ZNF492: variants seen among roughly 807,000 people sequenced by gnomAD.
ZNF492 encodes zinc finger protein 492.
A neutral mutation model predicts 6.4 loss-of-function variants in ZNF492; 3 were observed. That is an observed-to-expected ratio of 0.47 (90% CI 0.21 to 1.22). The LOEUF (loss-of-function observed/expected upper bound fraction) is 1.22. Ranked by LOEUF, ZNF492 falls within the 50% of genes most tolerant of loss-of-function variation. ZNF492 has a pLI of 0.22. For synonymous variants in ZNF492, 112 were observed against 205.3 expected (o/e 0.55, Z 3.89); for missense variants, 356 against 612.5 (o/e 0.58, Z 4.42).
At chr19:22,655,237 T>C (rs1971982445) in intron 3 of ZNF492, among the ~76,000 whole-genome samples, 1 of 151,516 alleles carries the variant, frequency 6.6e-6, no homozygotes, top group African/African-American at 2.4e-5. Flanking sequence ...GAGGTTGCAG[T>C]GAGCTGAGAT....
chr19:22,661,283 T>C (rs1430214013), intron 3 of ZNF492, among the ~76,000 whole-genome samples: 1 of 152,130 alleles, frequency 6.6e-6, no homozygotes, highest in East Asian at 1.9e-4. Flanking sequence ...TGTGTTCCTG[T>C]TTCACTCATT....
At chr19:22,637,013 G>T (rs1971775456) in intron 1 of ZNF492, among the ~76,000 whole-genome samples, 1 of 138,636 alleles carries the variant, frequency 7.2e-6, no homozygotes, top group South Asian at 2.3e-4. Flanking sequence ...CTGAAGTGAA[G>T]TGGTGCAGTT....
chr19:22,637,447 CA>C (rs1211941307), intron 1 of ZNF492, among the ~76,000 whole-genome samples: 1 of 152,034 alleles, frequency 6.6e-6, no homozygotes, highest in East Asian at 1.9e-4. Context: ...CACACACCAC[CA>C]GGCCTGGCTA....
In ZNF492 at chr19:22,663,894, A is replaced by T. The variant is rs1277080210; in HGVS notation, c.225A>T (p.Gly75=). Reference sequence around the variant, plus strand: ...TACTGAGAAGATATAAAAAATGTGGATGTGAAAATTTACAGTTAAGAAAAT... The same window carrying T: ...TACTGAGAAGATATAAAAAATGTGGTTGTGAAAATTTACAGTTAAGAAAAT... ...KVILRRYKKC[G]CENLQLRKYC... Residue 75 remains glycine, a synonymous_variant, in exon 4 of 4, where the codon GGA becomes GGT. Coordinates refer to ENST00000456783, the MANE Select transcript of ZNF492 (RefSeq NM_020855.3). 1 of 1,590,324 alleles carries T rather than the reference A, an allele frequency of 6.3e-7. No individual in the cohort carries two copies.
At chr19:22,647,342 C>T (rs184927323) in intron 1 of ZNF492, among the ~76,000 whole-genome samples, 144 of 150,670 alleles carry the variant, frequency 9.6e-4, no homozygotes, top group Middle Eastern at 3.4e-3. Context: ...CTGCAACCTC[C>T]GCCTCCTGGG....
intron 3 of ZNF492, among the ~76,000 whole-genome samples, chr19:22,659,561 TAC>T (rs569041771): frequency 0.065 from 9,043 of 138,334 alleles, 928 homozygotes; most frequent in African/African-American, 0.23. Flanking sequence ...TAATGTGAGA[TAC>T]ACACACACAC....
chr19:22,656,798 A>G (rs1401592139), intron 3 of ZNF492, among the ~76,000 whole-genome samples: 5 of 152,074 alleles, frequency 3.3e-5, no homozygotes, highest in Admixed American at 2.6e-4. Context: ...ATATTCCTCA[A>G]TCTTGGGCAT....
At chr19:22,655,675 AT>A (rs201831166) in intron 3 of ZNF492, among the ~76,000 whole-genome samples, 1,370 of 109,420 alleles carry the variant, frequency 0.013, 53 homozygotes, top group African/African-American at 0.04. Flanking sequence ...CAGTGACTTA[AT>A]TTTTTTTTTT....
intron 1 of ZNF492, among the ~76,000 whole-genome samples, chr19:22,648,159 G>A (rs1332792276): frequency 2.0e-5 from 3 of 152,190 alleles, no homozygotes; most frequent in East Asian, 1.9e-4. Flanking sequence ...TTGTGATTTT[G>A]TTCTCACTGG....
intron 1 of ZNF492, among the ~76,000 whole-genome samples, chr19:22,636,059 CT>C (rs1971758409): frequency 6.6e-6 from 1 of 150,824 alleles, no homozygotes; most frequent in Admixed American, 6.6e-5. Flanking sequence ...CTGTTGTTCC[CT>C]CTTTGTGTTT....
intron 1 of ZNF492, among the ~76,000 whole-genome samples, chr19:22,641,457 CTG>C (rs1274974857): frequency 6.6e-6 from 1 of 152,116 alleles, no homozygotes. Context: ...GCTGTGGCCT[CTG>C]TGTGTGGTTC....
At chr19:22,655,827 T>TTG (rs1971991013) in intron 3 of ZNF492, among the ~76,000 whole-genome samples, 1 of 122,262 alleles carries the variant, frequency 8.2e-6, no homozygotes, top group Non-Finnish European at 1.7e-5. Context: ...TTTTTTTTTT[T>TTG]TTTTTTTTTT....
At chr19:22,648,643 A>G (rs1488141337) in intron 1 of ZNF492, among the ~76,000 whole-genome samples, 2 of 152,216 alleles carry the variant, frequency 1.3e-5, no homozygotes, top group African/African-American at 4.8e-5. Context: ...TTGGGTGCTT[A>G]TGTATTTAGG....
At chr19:22,661,614 G>C (rs1034978326) in intron 3 of ZNF492, among the ~76,000 whole-genome samples, 1 of 142,132 alleles carries the variant, frequency 7.0e-6, no homozygotes, top group African/African-American at 2.7e-5. Context: ...TTTTTTTTTT[G>C]AAACAGAGTT....
At chr19:22,637,335 G>C (rs11879495) in intron 1 of ZNF492, among the ~76,000 whole-genome samples, 6,077 of 151,870 alleles carry the variant, frequency 0.04, 389 homozygotes, top group African/African-American at 0.14. Context: ...CTGTTGTCCA[G>C]ACTGGAGTGC....
chr19:22,641,268 A>G (rs916573946), intron 1 of ZNF492, among the ~76,000 whole-genome samples: 3 of 152,084 alleles, frequency 2.0e-5, no homozygotes, highest in Non-Finnish European at 4.4e-5. Context: ...ACACTGCCTT[A>G]GCTGTGTTGC....
chr19:22,650,199 G>A (rs1971925235), intron 1 of ZNF492, among the ~76,000 whole-genome samples: 1 of 152,058 alleles, frequency 6.6e-6, no homozygotes, highest in Admixed American at 6.6e-5. Context: ...GTGGTTTGCT[G>A]GGGGTTCACT....
chr19:22,645,220 T>C (rs1424200160), intron 1 of ZNF492, among the ~76,000 whole-genome samples: 3 of 151,996 alleles, frequency 2.0e-5, no homozygotes, highest in Admixed American at 2.0e-4. Flanking sequence ...CTAATTTTTG[T>C]ATTTTTAGTA....
rs1359303147 is a variant in ZNF492, at chr19:22,664,027, A to T, written c.358A>T (p.Lys120Ter). The T allele has an allele frequency of 3.7e-6, 6 of 1,607,236 alleles. No homozygotes were observed. The African/African-American group carries it at 8.0e-5, about 21-fold the overall frequency. ...AATATTTCAATGTGACAAATATGTG[A>T]AAGTCTTTCATAAATTTTCAAATTC... Reference protein sequence around the residue: ...NKIFQCDKYVKVFHKFSNSNR... With the variant: ...NKIFQCDKYV Residue 120 changes from lysine to a stop codon, truncating the protein, a stop_gained, in exon 4 of 4, where the codon AAA becomes TAA. Coordinates refer to ENST00000456783, the MANE Select transcript of ZNF492 (RefSeq NM_020855.3). LOFTEE classifies it low-confidence loss of function (END_TRUNC).
Sources: gnomAD v4.1 joint callset for allele counts (sites outside exome capture counted in the v4.1 genomes callset) on GRCh38, gnomAD v4.1.1 for gene constraint, MANE v1.5 for transcripts, NCBI Gene and HGNC (gene_info 2026-07-23, HGNC 2026-07-21) for gene names.